The following SRBD1 variants were observed in gnomAD, a reference collection of about 807,000 sequenced individuals.
The protein encoded by SRBD1 is S1 RNA binding domain 1.
Under a neutral mutation model 115.3 loss-of-function variants are expected in SRBD1, and 88 were observed. That is an observed-to-expected ratio of 0.76 (90% CI 0.64 to 0.91). The LOEUF (loss-of-function observed/expected upper bound fraction) is 0.91. Ranked by LOEUF, SRBD1 falls within the 40% of genes least tolerant of loss-of-function variation. The probability of loss-of-function intolerance (pLI) is 0.00; values close to 1 mark genes in which losing one functional copy is unlikely to be tolerated. For synonymous variants in SRBD1, 509 were observed against 407.7 expected, an observed-to-expected ratio of 1.25 and a Z score of -2.99; for missense variants, 1,385 against 1,177.4, an observed-to-expected ratio of 1.18 and a Z score of -2.58.
chr2:45,527,171 C>G (rs1438992896), intron 14 of SRBD1, among the ~76,000 whole-genome samples: 1 of 151,858 alleles, frequency 6.6e-6, no homozygotes, highest in South Asian at 2.1e-4. Context: ...ATACTCTCCA[C>G]ATACATTATG....
intron 14 of SRBD1, among the ~76,000 whole-genome samples, chr2:45,516,793 T>C (rs1219773733): frequency 1.3e-5 from 2 of 152,184 alleles, no homozygotes; most frequent in African/African-American, 2.4e-5. Flanking sequence ...TTTAACATGG[T>C]TCTGCAGGAA....
intron 9 of SRBD1, among the ~76,000 whole-genome samples, chr2:45,572,364 T>G (rs890257466): frequency 6.6e-6 from 1 of 152,154 alleles, no homozygotes; most frequent in African/African-American, 2.4e-5. Flanking sequence ...TGGAGATTGG[T>G]GGCACAACAA....
chr2:45,611,042 G>C (rs950543274), intron 1 of SRBD1, among the ~76,000 whole-genome samples, 177 bp downstream of exon 1: 3 of 152,212 alleles, frequency 2.0e-5, no homozygotes, highest in Non-Finnish European at 4.4e-5. Context: ...TTTTCGGGTG[G>C]TCGGTTGTGA....
At chr2:45,477,971 T>C (rs1243187072) in intron 15 of SRBD1, among the ~76,000 whole-genome samples, 1 of 151,734 alleles carries the variant, frequency 6.6e-6, no homozygotes, top group Non-Finnish European at 1.5e-5. Flanking sequence ...TTGTCCTTTT[T>C]TTTTTTACCA....
At chr2:45,531,702 C>A (rs1307342065) in intron 14 of SRBD1, among the ~76,000 whole-genome samples, 1 of 59,732 alleles carries the variant, frequency 1.7e-5, no homozygotes, top group African/African-American at 1.3e-4. Flanking sequence ...AGAAGTTCTA[C>A]CCCATATATT....
At chr2:45,420,556 A>T (rs971989203) in intron 16 of SRBD1, among the ~76,000 whole-genome samples, 4 of 152,182 alleles carry the variant, frequency 2.6e-5, no homozygotes, top group Admixed American at 2.6e-4. Context: ...AGCTCTTTAG[A>T]CTTATTTAGA....
rs752381405 is a variant in SRBD1 at position 45,547,624 on chromosome 2, G to T, written c.1676-12C>A. On this transcript the variant is annotated splice_polypyrimidine_tract_variant and intron_variant, in intron 12 of 20. Coordinates refer to ENST00000263736, the MANE Select transcript of SRBD1 (RefSeq NM_018079.5). The stretch of plus-strand genomic sequence containing the variant: ...ATGAAGTATCTGACCTTTAAAAAAT[G>T]AAAAGAATAAGCCATTTTATAAGAA... The T allele has an allele frequency of 2.5e-6, 4 of 1,599,454 alleles. No homozygotes were observed. The highest frequency in any genetic ancestry group is 3.4e-6 in the Non-Finnish European group (4 of 1,173,304).
intron 16 of SRBD1, among the ~76,000 whole-genome samples, chr2:45,466,998 A>G (rs1252576129): frequency 1.3e-5 from 2 of 152,282 alleles, no homozygotes; most frequent in East Asian, 3.9e-4. Context: ...TAACAAAGGG[A>G]TTTTATATGC....
chr2:45,438,094 G>T (rs1160849965), intron 16 of SRBD1, among the ~76,000 whole-genome samples: 1 of 152,062 alleles, frequency 6.6e-6, no homozygotes, highest in Non-Finnish European at 1.5e-5. Context: ...GAGACTGGAG[G>T]GGGCTGTGCA....
chr2:45,549,196 A>G (rs1672213592), intron 12 of SRBD1: 2 of 152,244 alleles, frequency 1.3e-5, no homozygotes, highest in South Asian at 2.1e-4. Context: ...TGAGCAAAGT[A>G]AAGATAGCAA....
rs113184495 is a variant in SRBD1, at chr2:45,404,105, T to G, written c.2513+9009A>C. Reference sequence around the variant, plus strand: ...GCCCTTAGTGAAGCATAAAGGTTGTTCAAGGAGAAAGATCTCATTTCCAGC... The same window carrying G: ...GCCCTTAGTGAAGCATAAAGGTTGTGCAAGGAGAAAGATCTCATTTCCAGC... On this transcript the variant is annotated intron_variant, in intron 19 of 20. Transcript: ENST00000263736. 2.9e-3 allele frequency among the ~76,000 whole-genome samples: 448 copies of G among 152,206 alleles called. 4 individuals are homozygous for G. Among genetic ancestry groups the G allele is most frequent in the African/African-American group, 0.01 (420 of 41,538 alleles).
In SRBD1 at chr2:45,452,929, G is replaced by A. The variant is rs936575264; in HGVS notation, c.2049+24064C>T. Among the ~76,000 whole-genome samples the A allele has an allele frequency of 2.0e-5, 3 of 152,074 alleles. No individual in the cohort carries two copies. The East Asian group carries it at 5.8e-4, about 29-fold the overall frequency. ...AGAATGTCTGAAGCTATCACACAAGGCATTCATCTGCATTCCCTGTTTATG... is the reference window on the plus strand; with the variant it reads ...AGAATGTCTGAAGCTATCACACAAGACATTCATCTGCATTCCCTGTTTATG... On this transcript the variant is annotated intron_variant, in intron 16 of 20. Coordinates refer to ENST00000263736, the MANE Select transcript of SRBD1 (RefSeq NM_018079.5).
rs1666932264 is a variant in SRBD1, at chr2:45,389,323, A to G, written c.2975T>C (p.Ile992Thr). ...TTCGTGGGATACTCATAACACCCGA[A>G]TGAGGTCCAGAGTAATCCTAGATCG... is the stretch of plus-strand genomic sequence containing the variant. ...IPRSRITLDL[I>T]RVL The change falls in exon 21 of 21, where the codon ATT (isoleucine) becomes ACT (threonine). Residue 992 changes from isoleucine (I) to threonine (T), a missense_variant. Physicochemically the swap from Ile to Thr is moderately conservative, Grantham distance 89. Coordinates refer to ENST00000263736, the MANE Select transcript of SRBD1 (RefSeq NM_018079.5). 5.0e-6 allele frequency: 8 copies of G among 1,613,484 alleles called. No homozygotes were observed. Among genetic ancestry groups the G allele is most frequent in the South Asian group, 1.1e-5 (1 of 91,060 alleles).
chr2:45,520,912 G>C (rs1431033563), intron 14 of SRBD1, among the ~76,000 whole-genome samples: 1 of 152,192 alleles, frequency 6.6e-6, no homozygotes, highest in African/African-American at 2.4e-5. Context: ...TTGGACAACA[G>C]CTTGGGATAC....
intron 16 of SRBD1, among the ~76,000 whole-genome samples, chr2:45,450,590 T>A (rs1668963213): frequency 6.6e-6 from 1 of 152,086 alleles, no homozygotes; most frequent in Non-Finnish European, 1.5e-5. Flanking sequence ...TCCTAGTCCA[T>A]TAGATGTTCA....
rs1014323223 is a variant in SRBD1 at position 45,599,456 on chromosome 2, A to G, written c.641T>C (p.Met214Thr). The G allele has an allele frequency of 1.4e-5, 23 of 1,613,234 alleles. No individual in the cohort carries two copies. Among genetic ancestry groups the G allele is most frequent in the Non-Finnish European group, 1.9e-5 (23 of 1,179,524 alleles). Residue 214 changes from methionine (M) to threonine (T), a missense_variant, in exon 4 of 21, where the codon ATG (methionine) becomes ACG (threonine). Transcript: ENST00000263736. The stretch of plus-strand genomic sequence containing the variant: ...GAAAAAGGCTGCACATACCTGTACC[A>G]TGTCCCAATTCATTTCCACCTCCTC... ...TKEEVEMNWDMVQVLSERTNI... is the reference protein window; with the variant it reads ...TKEEVEMNWDTVQVLSERTNI...
intron 16 of SRBD1, among the ~76,000 whole-genome samples, chr2:45,441,182 G>C (rs1194570811): frequency 6.6e-6 from 1 of 152,146 alleles, no homozygotes; most frequent in Admixed American, 6.5e-5. Context: ...TGGAGTCAGA[G>C]AGTTAATATG....
chr2:45,441,790 G>A (rs1477904430), intron 16 of SRBD1, among the ~76,000 whole-genome samples: 2 of 152,144 alleles, frequency 1.3e-5, no homozygotes, highest in Non-Finnish European at 2.9e-5. Context: ...TCCTATTATA[G>A]AAACGCTTTC....
chr2:45,538,525 G>C lies in SRBD1; in HGVS notation c.1874+8207C>G, dbSNP rs887182194. Reference sequence around the variant, plus strand: ...ATTTAATTGAACTTATCTCAAGTTTGGATCTCTGATTATTGCACTACAGAA... The same window carrying C: ...ATTTAATTGAACTTATCTCAAGTTTCGATCTCTGATTATTGCACTACAGAA... On this transcript the variant is annotated intron_variant, in intron 14 of 20. Transcript: ENST00000263736. 2.0e-5 allele frequency among the ~76,000 whole-genome samples: 3 copies of C among 152,194 alleles called. No individual in the cohort carries two copies. The East Asian group carries it at 5.8e-4, about 29-fold the overall frequency.
Sources: allele counts gnomAD v4.1 joint callset (sites outside exome capture counted in the v4.1 genomes callset), GRCh38; gene constraint gnomAD v4.1.1; transcripts MANE v1.5; gene names NCBI Gene and HGNC (gene_info 2026-07-23, HGNC 2026-07-21).